Variants in BBS9 observed in about 807,000 individuals in gnomAD.
BBS9 encodes the protein Bardet-Biedl syndrome 9, also known as protein PTHB1.
Under a neutral mutation model 117.7 loss-of-function variants are expected in BBS9, and 89 were observed. That is an observed-to-expected ratio of 0.76 (90% CI 0.64 to 0.90). The LOEUF is 0.90. Among genes scored for constraint, BBS9 ranks in the 40% least tolerant of loss-of-function variants. The pLI, the probability that BBS9 is intolerant of heterozygous loss-of-function variation, is 0.00. For missense variants in BBS9, 982 were observed against 1,042.2 expected, an observed-to-expected ratio of 0.94 and a Z score of 0.80; for synonymous variants, 379 against 370.9, an observed-to-expected ratio of 1.02 and a Z score of -0.25.
At chr7:33,383,163 C>A (rs1200436235) in intron 17 of BBS9, among the ~76,000 whole-genome samples, 4 of 152,110 alleles carry the variant, frequency 2.6e-5, no homozygotes, top group African/African-American at 9.7e-5. Flanking sequence ...GGTCTGACTG[C>A]AAAATCTCTC....
At position 33,146,279 on chromosome 7, in the gene BBS9, G is replaced by C. The variant is rs770310531; in HGVS notation, c.27G>C (p.Trp9Cys). The C allele has an allele frequency of 3.1e-6, 5 of 1,613,928 alleles. No individual in the cohort carries two copies. Among genetic ancestry groups the C allele is most frequent in the South Asian group, 1.1e-5 (1 of 91,082 alleles). The change falls in exon 2 of 23, where the codon TGG (tryptophan) becomes TGC (cysteine). Residue 9 changes from tryptophan to cysteine, a missense_variant. Physicochemically the swap from Trp to Cys is radical, Grantham distance 215. Coordinates refer to ENST00000242067, the MANE Select transcript of BBS9 (RefSeq NM_198428.3). ...TGTCTTTATTTAAAGCCCGTGATTG[G>C]TGGTCTACTATTCTGGGAGATAAAG... MSLFKARDWWSTILGDKEE... is the reference protein window; with the variant it reads MSLFKARDCWSTILGDKEE...
chr7:33,614,542 G>A (rs1865038704), intron 21 of BBS9, among the ~76,000 whole-genome samples: 2 of 152,004 alleles, frequency 1.3e-5, no homozygotes, highest in Admixed American at 6.6e-5. Context: ...GCAAACCACT[G>A]CCCTGTGGTT....
chr7:33,312,542 T>C (rs191042658), intron 9 of BBS9, among the ~76,000 whole-genome samples: 71 of 152,320 alleles, frequency 4.7e-4, no homozygotes, highest in African/African-American at 1.6e-3. Flanking sequence ...TAGCTTCTCA[T>C]TGGTAGTGGG....
At chr7:33,274,041 T>C in intron 9 of BBS9, 85 bp downstream of exon 9, 2 of 1,468,562 alleles carry the variant, frequency 1.4e-6, no homozygotes, top group Non-Finnish European at 1.9e-6. Context: ...TGACAAGTGA[T>C]TTTATTAAAA....
At chr7:33,140,450 C>G (rs896147316) in intron 1 of BBS9, among the ~76,000 whole-genome samples, 1 of 152,124 alleles carries the variant, frequency 6.6e-6, no homozygotes, top group Non-Finnish European at 1.5e-5. Context: ...TTTATCGTAG[C>G]CATCCTTCAT....
Position 33,527,810 on chromosome 7 carries a change from C to T in BBS9, c.2299-6144C>T, listed in dbSNP as rs1849874679. 2.6e-5 allele frequency among the ~76,000 whole-genome samples: 4 copies of T among 152,282 alleles called. No individual in the cohort carries two copies. In the South Asian group the frequency reaches 8.3e-4, roughly 32 times the overall value. On this transcript the variant is annotated intron_variant, in intron 20 of 22. Coordinates refer to ENST00000242067, the MANE Select transcript of BBS9 (RefSeq NM_198428.3). The stretch of plus-strand genomic sequence containing the variant: ...TATTTTTCAAAGGTGAATTGCTCAA[C>T]ATTTTGAGCCCTCTTTGCATGACAA...
At position 33,293,356 on chromosome 7, in the gene BBS9, A is replaced by C. The variant is rs13234804; in HGVS notation, c.1016+19400A>C. On this transcript the variant is annotated intron_variant, in intron 9 of 22. Transcript: ENST00000242067. Reference sequence around the variant, plus strand: ...CTTTGGGAAGAACTTCAGAATTTTAATGATGATATAGACAAGCAGATGACT... The same window carrying C: ...CTTTGGGAAGAACTTCAGAATTTTACTGATGATATAGACAAGCAGATGACT... Among the ~76,000 whole-genome samples the C allele has an allele frequency of 3.4e-3, 523 of 152,052 alleles. 1 individual carries two copies. Among genetic ancestry groups the C allele is most frequent in the Non-Finnish European group, 5.4e-3 (370 of 67,988 alleles).
At chr7:33,292,931 G>T (rs1049903343) in intron 9 of BBS9, among the ~76,000 whole-genome samples, 1 of 151,890 alleles carries the variant, frequency 6.6e-6, no homozygotes, top group Non-Finnish European at 1.5e-5. Context: ...GCTTGAACCT[G>T]GGCGGCAGAG....
rs552360316 is a variant in BBS9, at chr7:33,318,520, A to G, written c.1017-17921A>G. On this transcript the variant is annotated intron_variant, in intron 9 of 22. Transcript: ENST00000242067. Reference sequence around the variant, plus strand: ...TGGTTCAAGTTCCTTTGAGATCTCTATTTATGTATCTATATCTAGTCTGGC... The same window carrying G: ...TGGTTCAAGTTCCTTTGAGATCTCTGTTTATGTATCTATATCTAGTCTGGC... 2.6e-5 allele frequency among the ~76,000 whole-genome samples: 4 copies of G among 152,126 alleles called. No individual in the cohort carries two copies. In the South Asian group the frequency reaches 8.3e-4, roughly 32 times the overall value.
intron 19 of BBS9, among the ~76,000 whole-genome samples, chr7:33,391,924 C>T (rs899338139): frequency 3.9e-5 from 6 of 152,062 alleles, no homozygotes; most frequent in East Asian, 1.9e-4. Context: ...CCATCTTTTT[C>T]GTTTAGGTTT....
At chr7:33,405,293 G>C (rs1208954114) in intron 19 of BBS9, among the ~76,000 whole-genome samples, 1 of 152,134 alleles carries the variant, frequency 6.6e-6, no homozygotes, top group East Asian at 1.9e-4. Context: ...AAGGATATTG[G>C]TCTAAAATTC....
intron 5 of BBS9, among the ~76,000 whole-genome samples, chr7:33,214,989 G>A (rs566395582): frequency 2.0e-5 from 3 of 152,218 alleles, no homozygotes; most frequent in South Asian, 4.1e-4. Context: ...TCAGGAGATC[G>A]AGGCCATCCT....
chr7:33,289,879 T>C (rs1803662182), intron 9 of BBS9, among the ~76,000 whole-genome samples: 1 of 151,980 alleles, frequency 6.6e-6, no homozygotes, highest in African/African-American at 2.4e-5. Context: ...CTGTCTCTAC[T>C]AAAAATACAA....
intron 21 of BBS9, among the ~76,000 whole-genome samples, chr7:33,565,406 G>T (rs1426979985): frequency 6.6e-6 from 1 of 152,084 alleles, no homozygotes; most frequent in African/African-American, 2.4e-5. Context: ...TGGTAACTGT[G>T]TACTGGCTGA....
intron 9 of BBS9, among the ~76,000 whole-genome samples, chr7:33,302,380 G>A (rs1227116849): frequency 6.6e-6 from 1 of 152,040 alleles, no homozygotes; most frequent in East Asian, 1.9e-4. Context: ...AGTTTCCCCA[G>A]TGTTTTCTTG....
chr7:33,494,371 A>G (rs1381613630), intron 19 of BBS9, among the ~76,000 whole-genome samples: 4 of 152,338 alleles, frequency 2.6e-5, no homozygotes, highest in East Asian at 1.9e-4. Context: ...ACATGCTTGC[A>G]TGATATGACT....
At chr7:33,145,200 A>G (rs539839336) in intron 1 of BBS9, among the ~76,000 whole-genome samples, 1 of 152,352 alleles carries the variant, frequency 6.6e-6, no homozygotes, top group African/African-American at 2.4e-5. Flanking sequence ...AACTTTCGTG[A>G]ATAAGGAGAA....
chr7:33,262,493 G>A (rs1035969869), intron 6 of BBS9, among the ~76,000 whole-genome samples: 53 of 152,238 alleles, frequency 3.5e-4, no homozygotes, highest in African/African-American at 1.1e-3. Flanking sequence ...TATGAATTGG[G>A]AATAGGAAAA....
chr7:33,509,651 A>G (rs1846637340), intron 20 of BBS9, among the ~76,000 whole-genome samples: 1 of 152,194 alleles, frequency 6.6e-6, no homozygotes, highest in South Asian at 2.1e-4. Flanking sequence ...GGTAAAAGAA[A>G]GTGCTCAGAA....
Sources: allele counts gnomAD v4.1 joint callset (sites outside exome capture counted in the v4.1 genomes callset), GRCh38; gene constraint gnomAD v4.1.1; transcripts MANE v1.5; gene names NCBI Gene and HGNC (gene_info 2026-07-23, HGNC 2026-07-21).